The following SIGIRR variants were observed in gnomAD, a reference collection of about 807,000 sequenced individuals.
The protein encoded by SIGIRR is single Ig and TIR domain containing.
In SIGIRR, 41 loss-of-function variants were observed where a neutral mutation model predicts 45.6. The ratio of observed to expected loss-of-function variants is 0.90; its 90% CI spans 0.70 to 1.17. SIGIRR has a LOEUF of 1.17. SIGIRR is among the 50% of genes most tolerant of loss of function. The pLI is 0.00. For synonymous variants in SIGIRR, 298 were observed against 239.0 expected (o/e 1.25, Z -2.28); for missense variants, 599 against 539.6 (o/e 1.11, Z -1.09).
chr11:406,426 AT>A lies in SIGIRR; in HGVS notation c.991del (p.Met331CysfsTer2). 6.2e-7 allele frequency: 1 copy of A among 1,612,744 alleles called. No homozygotes were observed. Among genetic ancestry groups the A allele is most frequent in the Non-Finnish European group, 8.5e-7 (1 of 1,179,916 alleles). ...QTQLQDDKDP[M>X]LILRGRVPEG... ...AGGGACTCGGCCTCGAAGAATCAGC[AT>A]GGGGTCCTTGTCGTCCTGCAGCTGC... On this transcript the variant is annotated frameshift_variant, in exon 9 of 10. Coordinates refer to ENST00000431843, the MANE Select transcript of SIGIRR (RefSeq NM_001135054.2). LOFTEE classifies it high-confidence loss of function.
intron 1 of SIGIRR, among the ~76,000 whole-genome samples, chr11:412,728 G>A (rs961628498): frequency 2.1e-5 from 3 of 143,342 alleles, no homozygotes; most frequent in South Asian, 2.3e-4. Context: ...ATGCAGTCGA[G>A]GGGGGGTGCC....
intron 1 of SIGIRR, among the ~76,000 whole-genome samples, chr11:413,024 C>T (rs888921396): frequency 6.6e-6 from 1 of 152,158 alleles, no homozygotes; most frequent in Non-Finnish European, 1.5e-5. Context: ...AGGGGCCTCT[C>T]CTCACTGGAT....
chr11:410,743 CG>C (rs1431301200), intron 1 of SIGIRR, among the ~76,000 whole-genome samples: 1 of 42,662 alleles, frequency 2.3e-5, no homozygotes, highest in Non-Finnish European at 4.0e-5. Flanking sequence ...TGGATGCAGT[CG>C]GGGGGTGCCC....
At chr11:408,612 C>T in intron 3 of SIGIRR, 83 bp downstream of exon 3, 1 of 1,515,758 alleles carries the variant, frequency 6.6e-7, no homozygotes, top group Non-Finnish European at 9.1e-7. Flanking sequence ...CAGGTGGTTA[C>T]AGACCCAGGC....
At chr11:407,777 C>G (rs934476491) in intron 5 of SIGIRR, 40 bp downstream of exon 5, 1 of 1,610,126 alleles carries the variant, frequency 6.2e-7, no homozygotes, top group African/African-American at 1.3e-5. Context: ...TCAGGGAGGC[C>G]GTGGCGACCC....
At chr11:406,195 C>G (rs1359661791) in intron 9 of SIGIRR, 136 bp from the exon 10 acceptor site, 1 of 1,537,938 alleles carries the variant, frequency 6.5e-7, no homozygotes, top group Non-Finnish European at 8.7e-7. Flanking sequence ...GACCGAGGGC[C>G]GAGCACCTCC....
intron 1 of SIGIRR, among the ~76,000 whole-genome samples, chr11:412,912 G>A (rs978897807): frequency 6.6e-6 from 1 of 152,120 alleles, no homozygotes; most frequent in African/African-American, 2.4e-5. Flanking sequence ...TCCTTTCCCA[G>A]CCCGTAGCAG....
intron 2 of SIGIRR, chr11:409,599 C>G (rs574744029): frequency 2.4e-6 from 1 of 419,158 alleles, no homozygotes; most frequent in Admixed American, 4.0e-5. Flanking sequence ...GCTGTGGGCC[C>G]CAGCAGTGCC....
chr11:408,911 A>C lies in SIGIRR; in HGVS notation c.8-18T>G, dbSNP rs558929716. The C allele has an allele frequency of 1.2e-6, 2 of 1,611,634 alleles. No homozygotes were observed. Among genetic ancestry groups the C allele is most frequent in the African/African-American group, 2.7e-5 (2 of 75,038 alleles). ...ACAGACACCTGAAGAGAGAGGACAC[A>C]GTGGGTCAGCTGTGCCAGGGTGCCT... On this transcript the variant is annotated intron_variant, in intron 2 of 9. Transcript: ENST00000431843.
rs183604582 is a variant in SIGIRR at position 409,508 on chromosome 11, G to A, written c.7+360C>T. The A allele has an allele frequency of 1.1e-3, 366 of 342,296 alleles. 2 individuals are homozygous for A. Among genetic ancestry groups the A allele is most frequent in the Admixed American group, 8.4e-3 (193 of 23,002 alleles). The allele number at this position is 342,296 out of a possible 1,614,324, so 21.2% of individuals were successfully genotyped here. On this transcript the variant is annotated intron_variant, in intron 2 of 9. Coordinates refer to ENST00000431843, the MANE Select transcript of SIGIRR (RefSeq NM_001135054.2). ...TGAACTTGTTCATCTTTACATCAGGGTGATGAGCCCTAGCGGGAGGTCAAA... is the reference window on the plus strand; with the variant it reads ...TGAACTTGTTCATCTTTACATCAGGATGATGAGCCCTAGCGGGAGGTCAAA...
In SIGIRR at chr11:406,883, C is replaced by A. The variant is rs1049204985; in HGVS notation, c.839G>T (p.Arg280Leu). The change falls in exon 8 of 10, where the codon CGC becomes CTC. Residue 280 changes from arginine (R) to leucine (L), a missense_variant. Transcript: ENST00000431843. The part of the protein sequence containing the change: ...HPALRLLRQH[R>L]HLVTLLLWRP... Reference sequence around the variant, plus strand: ...CCAGAGCAGCAAGGTCACCAGGTGGCGGTGCTGGCGCAGCAGGCGGAGCGC... The same window carrying A: ...CCAGAGCAGCAAGGTCACCAGGTGGAGGTGCTGGCGCAGCAGGCGGAGCGC... The A allele has an allele frequency of 4.4e-6, 7 of 1,582,072 alleles. No individual in the cohort carries two copies. In the African/African-American group the frequency reaches 8.0e-5, roughly 18 times the overall value.
At chr11:407,299 G>T in intron 6 of SIGIRR, 126 bp downstream of exon 6, 1 of 733,858 alleles carries the variant, frequency 1.4e-6, no homozygotes, top group Non-Finnish European at 2.0e-6. Context: ...TTGAGGCGGG[G>T]CCTCGGGTGG....
At chr11:413,696 C>A (rs1362474051) in intron 1 of SIGIRR, among the ~76,000 whole-genome samples, 4 of 135,570 alleles carry the variant, frequency 3.0e-5, no homozygotes, top group Non-Finnish European at 6.4e-5. Flanking sequence ...CCTCTCCCTG[C>A]AAACCCTCCC....
rs1246253743 is a variant in SIGIRR at position 407,583 on chromosome 11, C to T, written c.482-15G>A. The T allele has an allele frequency of 1.9e-6, 3 of 1,604,594 alleles. No individual in the cohort carries two copies. The highest frequency in any genetic ancestry group is 1.3e-5 in the African/African-American group (1 of 74,844). On this transcript the variant is annotated splice_polypyrimidine_tract_variant and intron_variant, in intron 5 of 9. Coordinates refer to ENST00000431843, the MANE Select transcript of SIGIRR (RefSeq NM_001135054.2). The stretch of plus-strand genomic sequence containing the variant: ...GAGCTTCCCGTCTGCGGACGGCGGC[C>T]AGTCACCCCGATGGCTCCCGAGGCC...
intron 2 of SIGIRR, 174 bp from the exon 3 acceptor site, chr11:409,067 A>G: frequency 1.5e-6 from 1 of 649,470 alleles, no homozygotes; most frequent in Non-Finnish European, 2.7e-6. Context: ...TTTCCCCAGT[A>G]GTGGCCAGGC....
Position 408,129 on chromosome 11 carries a change from G to T in SIGIRR, c.284C>A (p.Ala95Asp). Reference protein sequence around the residue: ...VNVTSTEVYGAFTCSIQNISF... With the variant: ...VNVTSTEVYGDFTCSIQNISF... ...GATGTTCTGGATGGAGCAGGTGAAG[G>T]CCCCATAGACTTCAGTGCTGGTCAC... The change falls in exon 4 of 10, where the codon GCC becomes GAC. Residue 95 changes from alanine to aspartate, a missense_variant. Transcript: ENST00000431843. 3 of 1,612,806 alleles carry T rather than the reference G, an allele frequency of 1.9e-6. No homozygotes were observed. Among genetic ancestry groups the T allele is most frequent in the Non-Finnish European group, 1.7e-6 (2 of 1,179,974 alleles).
intron 1 of SIGIRR, among the ~76,000 whole-genome samples, chr11:412,793 CGAAACACCTCGG>C (rs937473002): frequency 4.6e-5 from 7 of 152,034 alleles, no homozygotes; most frequent in Admixed American, 1.3e-4. Flanking sequence ...ACAGACACCT[CGAAACACCTCGG>C]GAAACACCTC....
chr11:407,702 C>G (rs1847409144), intron 5 of SIGIRR, 115 bp downstream of exon 5: 1 of 1,564,672 alleles, frequency 6.4e-7, no homozygotes, highest in Non-Finnish European at 8.7e-7. Context: ...CCGGGCCGCA[C>G]AGAGCACCCG....
rs1365703655 is a variant in SIGIRR at position 414,966 on chromosome 11, G to A, written c.-297C>T. ...CATCGCCAAGCGCGGTGGGGACCTG[G>A]CTTGTGTCTTTGTGTATTTTGATCA... On this transcript the variant is annotated 5_prime_UTR_variant, in exon 1 of 10. Transcript: ENST00000431843. 62 of 751,262 alleles carry A rather than the reference G, an allele frequency of 8.3e-5. No homozygotes were observed. The highest frequency in any genetic ancestry group is 9.7e-5 in the Non-Finnish European group (60 of 616,528). The allele number at this position is 751,262 out of a possible 1,614,324, so 46.5% of individuals were successfully genotyped here.
Sources: allele counts gnomAD v4.1 joint callset (sites outside exome capture counted in the v4.1 genomes callset), GRCh38; gene constraint gnomAD v4.1.1; transcripts MANE v1.5; gene names NCBI Gene and HGNC (gene_info 2026-07-23, HGNC 2026-07-21).